SLC9D1: variants seen among roughly 807,000 people sequenced by gnomAD.
SLC9D1 encodes the protein solute carrier family 9 member D1, also known as putative LAG1-interacting protein.
chr13:113,496,884 A>G, the SLC9D1 span, among the ~76,000 whole-genome samples: 1 of 152,222 alleles, frequency 6.6e-6, no homozygotes, highest in East Asian at 1.9e-4. Context: ...GTGAAGATAC[A>G]TTGGTAAGGT....
the SLC9D1 span, chr13:113,495,696 C>T: frequency 1.2e-5 from 19 of 1,612,488 alleles, no homozygotes; most frequent in Admixed American, 3.3e-5. Context: ...GCACCGCGGG[C>T]GAGGGGTGGC....
chr13:113,492,137 G>A, the SLC9D1 span, among the ~76,000 whole-genome samples: 1 of 151,918 alleles, frequency 6.6e-6, no homozygotes, highest in Admixed American at 6.6e-5. Context: ...CATCACGCCC[G>A]GCTAATTATT....
chr13:113,493,405 C>T, the SLC9D1 span, among the ~76,000 whole-genome samples: 1 of 152,256 alleles, frequency 6.6e-6, no homozygotes, highest in Admixed American at 6.5e-5. Flanking sequence ...TAAAAGTTCA[C>T]TTGTGAAGTA....
the SLC9D1 span, among the ~76,000 whole-genome samples, chr13:113,533,304 T>C: frequency 6.6e-6 from 1 of 152,178 alleles, no homozygotes; most frequent in Non-Finnish European, 1.5e-5. Flanking sequence ...CAAGCCCAGC[T>C]CTGCTGTGGT....
chr13:113,506,189 T>C, the SLC9D1 span: 2 of 95,044 alleles, frequency 2.1e-5, no homozygotes, highest in Non-Finnish European at 3.8e-5. Flanking sequence ...AGGAGCCTGT[T>C]ACGGGTGGGG....
At chr13:113,506,558 AGTGTGTGT>A in the SLC9D1 span, among the ~76,000 whole-genome samples, 33 of 109,780 alleles carry the variant, frequency 3.0e-4, no homozygotes, top group African/African-American at 1.4e-3. Flanking sequence ...TGTGTGTGTG[AGTGTGTGT>A]GTGTGTGTGT....
At chr13:113,498,049 T>G in the SLC9D1 span, among the ~76,000 whole-genome samples, 7 of 152,362 alleles carry the variant, frequency 4.6e-5, no homozygotes, top group African/African-American at 1.7e-4. Context: ...GCACAGTCAC[T>G]GTTGAGTAAA....
chr13:113,537,996 T>G, the SLC9D1 span, among the ~76,000 whole-genome samples: 1 of 118,996 alleles, frequency 8.4e-6, no homozygotes, highest in African/African-American at 4.5e-5. Context: ...CTTTGTGGTG[T>G]GTGTACATGT....
At chr13:113,533,648 C>A in the SLC9D1 span, among the ~76,000 whole-genome samples, 1 of 152,128 alleles carries the variant, frequency 6.6e-6, no homozygotes, top group East Asian at 1.9e-4. Context: ...TGCTGACGGT[C>A]GCTGGAGTTC....
the SLC9D1 span, chr13:113,510,303 G>C: frequency 1.2e-6 from 2 of 1,614,228 alleles, no homozygotes; most frequent in East Asian, 2.2e-5. Context: ...TTGGCTTGCT[G>C]TGGGGGCATC....
chr13:113,496,041 G>T, the SLC9D1 span: 23 of 1,507,564 alleles, frequency 1.5e-5, no homozygotes, highest in Non-Finnish European at 2.0e-5. Flanking sequence ...TCCTAGAGAG[G>T]GAGAGAGAGA....
chr13:113,537,188 A>G, the SLC9D1 span, among the ~76,000 whole-genome samples: 1 of 152,194 alleles, frequency 6.6e-6, no homozygotes, highest in Non-Finnish European at 1.5e-5. Context: ...TCCTTCTTAA[A>G]AATTTATTTA....
the SLC9D1 span, among the ~76,000 whole-genome samples, chr13:113,531,905 G>A: frequency 6.6e-6 from 1 of 152,230 alleles, no homozygotes; most frequent in African/African-American, 2.4e-5. Context: ...AAACCCTGGG[G>A]ATGGTGGCTG....
the SLC9D1 span, among the ~76,000 whole-genome samples, chr13:113,509,292 C>A: frequency 9.6e-5 from 12 of 125,242 alleles, no homozygotes; most frequent in Admixed American, 4.8e-4. Context: ...GGGTGGGTCC[C>A]CCCTGGAGCT....
the SLC9D1 span, among the ~76,000 whole-genome samples, chr13:113,545,368 G>T: frequency 6.6e-6 from 1 of 152,212 alleles, no homozygotes; most frequent in East Asian, 1.9e-4. Context: ...CAAGACTTGA[G>T]CCCAGAGCCC....
chr13:113,498,449 T>G, the SLC9D1 span: 1 of 1,590,026 alleles, frequency 6.3e-7, no homozygotes, highest in Non-Finnish European at 8.5e-7. Context: ...ACGAGATTCT[T>G]GAAGATGTAA....
the SLC9D1 span, among the ~76,000 whole-genome samples, chr13:113,521,623 C>T: frequency 6.6e-6 from 1 of 152,088 alleles, no homozygotes; most frequent in Non-Finnish European, 1.5e-5. Flanking sequence ...ACCACTTCCC[C>T]GATCCTTCTT....
At chr13:113,524,181 A>T in the SLC9D1 span, 2 of 455,794 alleles carry the variant, frequency 4.4e-6, no homozygotes, top group South Asian at 3.1e-5. Flanking sequence ...GTTGAGGGAG[A>T]TGGTATTGAA....
chr13:113,520,477 C>A, the SLC9D1 span: 1 of 566,936 alleles, frequency 1.8e-6, no homozygotes, highest in Non-Finnish European at 3.0e-6. Context: ...GAGCAAAACT[C>A]CATCTCAAAA....
Sources: allele counts gnomAD v4.1 joint callset (sites outside exome capture counted in the v4.1 genomes callset), GRCh38; gene constraint gnomAD v4.1.1; transcripts MANE v1.5; gene names NCBI Gene and HGNC (gene_info 2026-07-23, HGNC 2026-07-21).